Variants in PCDHA8 observed in about 807,000 individuals in gnomAD.
The protein encoded by PCDHA8 is protocadherin alpha 8.
A neutral mutation model predicts 61.8 loss-of-function variants in PCDHA8; 53 were observed. That is an observed-to-expected ratio of 0.86 (90% CI 0.69 to 1.08). The LOEUF is 1.08. Among genes scored for constraint, PCDHA8 ranks in the 50% least tolerant of loss-of-function variants. PCDHA8 has a pLI of 0.00. For missense variants in PCDHA8, 1,293 were observed against 1,245.0 expected (o/e 1.04, Z -0.58); for synonymous variants, 618 against 556.6 (o/e 1.11, Z -1.55).
chr5:140,848,592 T>C, intron 1 of PCDHA8: 1 of 1,594,614 alleles, frequency 6.3e-7, no homozygotes, highest in Non-Finnish European at 8.6e-7. Context: ...CCAGCTCCAC[T>C]ACTCCGTCCC....
At chr5:140,958,925 G>T (rs980567381) in intron 1 of PCDHA8, among the ~76,000 whole-genome samples, 1 of 144,748 alleles carries the variant, frequency 6.9e-6, no homozygotes, top group African/African-American at 2.6e-5. Flanking sequence ...GGGTGTGGTG[G>T]CTCATACTTG....
rs2150359947 is a variant in PCDHA8, at chr5:140,843,438, C to T, written c.2117C>T (p.Ala706Val). The T allele has an allele frequency of 2.5e-6, 4 of 1,595,980 alleles. No homozygotes were observed. In the African/African-American group the frequency reaches 5.4e-5, roughly 21 times the overall value. The part of the protein sequence containing the change: ...VNVYLIIAIC[A>V]VSSLLVLTLL... ...GTGTACCTGATCATCGCCATCTGCGCGGTATCCAGCCTGCTGGTGCTCACG... is the reference window on the plus strand; with the variant it reads ...GTGTACCTGATCATCGCCATCTGCGTGGTATCCAGCCTGCTGGTGCTCACG... The change falls in exon 1 of 4, where the codon GCG becomes GTG. Residue 706 changes from alanine to valine, a missense_variant. Physicochemically the swap from Ala to Val is moderately conservative, Grantham distance 64. Coordinates refer to ENST00000531613, the MANE Select transcript of PCDHA8 (RefSeq NM_018911.3).
chr5:140,853,528 C>G, intron 1 of PCDHA8: 1 of 978,674 alleles, frequency 1.0e-6, no homozygotes, highest in South Asian at 4.8e-5. Context: ...CCTCCTATGT[C>G]TCTTTTCAAG....
chr5:140,882,668 C>T, intron 1 of PCDHA8: 1 of 1,614,138 alleles, frequency 6.2e-7, no homozygotes, highest in Non-Finnish European at 8.5e-7. Context: ...GCCCATATTC[C>T]CTGAAAGCAA....
At chr5:140,926,165 T>A (rs570168495) in intron 1 of PCDHA8, among the ~76,000 whole-genome samples, 31 of 151,794 alleles carry the variant, frequency 2.0e-4, no homozygotes, top group Admixed American at 1.5e-3. Flanking sequence ...TGCAGCAGGA[T>A]CCAGCGCGGA....
At chr5:140,916,821 CT>C (rs1452400361) in intron 1 of PCDHA8, among the ~76,000 whole-genome samples, 3 of 152,170 alleles carry the variant, frequency 2.0e-5, no homozygotes, top group Non-Finnish European at 2.9e-5. Flanking sequence ...TGTGCCACCC[CT>C]ATCCCTCTGG....
intron 3 of PCDHA8, chr5:140,988,920 AACAAC>A (rs1245893791): frequency 6.6e-6 from 1 of 152,174 alleles, no homozygotes; most frequent in Non-Finnish European, 1.5e-5. Context: ...AGGAGAATAG[AACAAC>A]ACTGTTCTCT....
rs2150529227 is a variant in PCDHA8 at position 140,853,161 on chromosome 5, G to A, written c.2394+9446G>A. 6.4e-6 allele frequency: 6 copies of A among 935,678 alleles called. 1 individual carries two copies. Among genetic ancestry groups the A allele is most frequent in the Non-Finnish European group, 6.5e-6 (5 of 772,756 alleles). 58.0% of individuals were successfully genotyped at this position (935,678 alleles called of 1,614,324 possible). ...CCCAAAATGCTGGGATTACAGGCGT[G>A]AGCCACCGCGCCTGGCCTAAAATGT... is the stretch of plus-strand genomic sequence containing the variant. On this transcript the variant is annotated intron_variant, in intron 1 of 3. Coordinates refer to ENST00000531613, the MANE Select transcript of PCDHA8 (RefSeq NM_018911.3).
At chr5:140,987,668 G>C (rs1262402590) in intron 3 of PCDHA8, among the ~76,000 whole-genome samples, 1 of 152,082 alleles carries the variant, frequency 6.6e-6, no homozygotes, top group Non-Finnish European at 1.5e-5. Context: ...GAACAATCAG[G>C]GTTTAGTAAA....
intron 1 of PCDHA8, among the ~76,000 whole-genome samples, chr5:140,908,266 C>T (rs1281456045): frequency 1.3e-5 from 2 of 152,144 alleles, no homozygotes; most frequent in African/African-American, 4.8e-5. Context: ...AGGGAACTCC[C>T]CATGAGGCCA....
chr5:140,883,552 G>A, intron 1 of PCDHA8: 2 of 1,614,234 alleles, frequency 1.2e-6, no homozygotes, highest in South Asian at 1.1e-5. Flanking sequence ...TGACCGCGCG[G>A]GACGGGGGCT....
intron 1 of PCDHA8, chr5:140,883,720 A>C: frequency 6.2e-7 from 1 of 1,613,566 alleles, no homozygotes; most frequent in Non-Finnish European, 8.5e-7. Context: ...ACGCGGACGC[A>C]CAGGAGAACG....
chr5:140,841,273 T>C lies in PCDHA8; in HGVS notation c.-49T>C. The C allele has an allele frequency of 6.6e-7, 1 of 1,504,492 alleles. No homozygotes were observed. Among genetic ancestry groups the C allele is most frequent in the Non-Finnish European group, 8.9e-7 (1 of 1,120,354 alleles). 93.2% of individuals were successfully genotyped at this position (1,504,492 alleles called of 1,614,324 possible). A position where few individuals can be genotyped will look rare whatever the true frequency, so the allele number is the denominator to read the frequency against. ...TAAAAGACTCTGAAAGTACAGTCGTTCATCTTTATATTAAGATAATATTTT... is the reference window on the plus strand; with the variant it reads ...TAAAAGACTCTGAAAGTACAGTCGTCCATCTTTATATTAAGATAATATTTT... On this transcript the variant is annotated 5_prime_UTR_variant, in exon 1 of 4. Coordinates refer to ENST00000531613, the MANE Select transcript of PCDHA8 (RefSeq NM_018911.3).
intron 1 of PCDHA8, chr5:140,852,648 C>T: frequency 1.0e-6 from 1 of 958,186 alleles, no homozygotes; most frequent in Non-Finnish European, 1.3e-6. Flanking sequence ...TTAAACCTAT[C>T]TATATCTGTC....
At chr5:140,954,361 C>T (rs782543125) in intron 1 of PCDHA8, among the ~76,000 whole-genome samples, 18 of 152,220 alleles carry the variant, frequency 1.2e-4, no homozygotes, top group Non-Finnish European at 2.2e-4. Context: ...AATCGCCACA[C>T]AGTCTCCCAC....
Position 140,856,457 on chromosome 5 carries a change from C to T in PCDHA8, c.2394+12742C>T, listed in dbSNP as rs1383276232. On this transcript the variant is annotated intron_variant, in intron 1 of 3. Coordinates refer to ENST00000531613, the MANE Select transcript of PCDHA8 (RefSeq NM_018911.3). ...CCCGCCCAGGTTCTCCGTAACAGAACAAAAGCTCTCAATACCTGAATCCAG... is the reference window on the plus strand; with the variant it reads ...CCCGCCCAGGTTCTCCGTAACAGAATAAAAGCTCTCAATACCTGAATCCAG... 12 of 1,598,330 alleles carry T rather than the reference C, an allele frequency of 7.5e-6. 1 individual carries two copies. The highest frequency in any genetic ancestry group is 1.0e-5 in the Non-Finnish European group (12 of 1,167,902).
chr5:140,884,839 G>T, intron 1 of PCDHA8: 1 of 893,290 alleles, frequency 1.1e-6, no homozygotes, highest in Non-Finnish European at 1.6e-6. Context: ...TTATCCTTCA[G>T]AGTGAAATCT....
intron 3 of PCDHA8, among the ~76,000 whole-genome samples, chr5:140,984,056 G>A (rs569184437): frequency 6.6e-6 from 1 of 152,318 alleles, no homozygotes; most frequent in African/African-American, 2.4e-5. Context: ...TGACAAATCT[G>A]TACCCTCAGT....
intron 1 of PCDHA8, among the ~76,000 whole-genome samples, chr5:140,959,609 T>A (rs2095500700): frequency 6.6e-6 from 1 of 152,184 alleles, no homozygotes; most frequent in South Asian, 2.1e-4. Flanking sequence ...ATGCTTTTCT[T>A]GCTTGTGATA....
Sources: allele counts gnomAD v4.1 joint callset (sites outside exome capture counted in the v4.1 genomes callset), GRCh38; gene constraint gnomAD v4.1.1; transcripts MANE v1.5; gene names NCBI Gene and HGNC (gene_info 2026-07-23, HGNC 2026-07-21).